The following TENM3 variants were observed in gnomAD, a reference collection of about 807,000 sequenced individuals.
TENM3 encodes the protein teneurin transmembrane protein 3, also known as teneurin-3.
In TENM3, 63 loss-of-function variants were observed where a neutral mutation model predicts 255.1. The observed-to-expected ratio is 0.25, with a 90% CI of 0.20 to 0.30. The LOEUF is 0.30. TENM3 is among the 10% of genes least tolerant of loss of function. The pLI is 1.00. For synonymous variants in TENM3, 1,306 were observed against 1,322.3 expected (o/e 0.99, Z 0.27); for missense variants, 2,929 against 3,461.1 (o/e 0.85, Z 3.86).
At chr4:182,163,336 A>G (rs1751485736) in intron 1 of TENM3, among the ~76,000 whole-genome samples, 1 of 151,962 alleles carries the variant, frequency 6.6e-6, no homozygotes, top group Non-Finnish European at 1.5e-5. Context: ...CAAACTCAGC[A>G]TGGAAGCCGA....
At chr4:181,994,950 G>A in the TENM3 span, among the ~76,000 whole-genome samples, 2 of 152,086 alleles carry the variant, frequency 1.3e-5, no homozygotes, top group African/African-American at 4.8e-5. Flanking sequence ...ACGATTCATT[G>A]GAATTGAACT....
At chr4:182,000,038 A>G in the TENM3 span, among the ~76,000 whole-genome samples, 2 of 152,162 alleles carry the variant, frequency 1.3e-5, no homozygotes, top group Non-Finnish European at 2.9e-5. Flanking sequence ...TTATCAATAG[A>G]CTTCAGAGAT....
the TENM3 span, among the ~76,000 whole-genome samples, chr4:181,922,927 A>G: frequency 6.6e-6 from 1 of 152,002 alleles, no homozygotes; most frequent in Non-Finnish European, 1.5e-5. Flanking sequence ...AGATTCTGGT[A>G]TGTTGTGTCT....
At chr4:181,960,753 C>G in the TENM3 span, among the ~76,000 whole-genome samples, 2 of 152,176 alleles carry the variant, frequency 1.3e-5, no homozygotes, top group Non-Finnish European at 2.9e-5. Context: ...CCCGTAAAAT[C>G]ATTATATATA....
At chr4:181,657,837 A>T in the TENM3 span, among the ~76,000 whole-genome samples, 1 of 152,162 alleles carries the variant, frequency 6.6e-6, no homozygotes, top group Non-Finnish European at 1.5e-5. Context: ...TTTTGCAGCA[A>T]CGTGGGTGGA....
rs1470578468 is a variant in TENM3 at position 182,228,377 on chromosome 4, T to TGTGTG, written c.-76+83624_-76+83628dup. ...AATGTAATGTGTGTGTGTGTGTGTG[T>TGTGTG]GTGTGTGTGTGTGTGTATATGTAAT... On this transcript the variant is annotated intron_variant, in intron 1 of 2. Transcript: ENST00000512480. Among the ~76,000 whole-genome samples, 456 of 137,866 alleles carry TGTGTG rather than the reference T, an allele frequency of 3.3e-3. 68 individuals are homozygous for TGTGTG. Among genetic ancestry groups the TGTGTG allele is most frequent in the African/African-American group, 0.011 (419 of 38,214 alleles). The allele number at this position is 137,866 out of a possible 152,430, so 90.4% of individuals were successfully genotyped here.
chr4:182,516,179 C>G (rs1032713862), intron 3 of TENM3, among the ~76,000 whole-genome samples: 8 of 152,306 alleles, frequency 5.3e-5, no homozygotes, highest in Non-Finnish European at 8.8e-5. Context: ...AGAAATAGCA[C>G]TGGACTGTGA....
At chr4:181,855,590 T>C in the TENM3 span, among the ~76,000 whole-genome samples, 1 of 152,206 alleles carries the variant, frequency 6.6e-6, no homozygotes, top group Admixed American at 6.5e-5. Context: ...TTGCCTAAGA[T>C]ATTGAAAAAG....
chr4:181,934,454 T>C, the TENM3 span, among the ~76,000 whole-genome samples: 1 of 152,192 alleles, frequency 6.6e-6, no homozygotes, highest in East Asian at 1.9e-4. Context: ...TGTTTATATT[T>C]GTATGTATTA....
intron 1 of TENM3, among the ~76,000 whole-genome samples, chr4:182,157,458 TGCC>T (rs901472917): frequency 1.3e-4 from 20 of 152,198 alleles, no homozygotes; most frequent in Admixed American, 5.2e-4. Flanking sequence ...GCTGACACAG[TGCC>T]TGGCCCTGAA....
At chr4:181,664,402 A>G in the TENM3 span, among the ~76,000 whole-genome samples, 1 of 151,968 alleles carries the variant, frequency 6.6e-6, no homozygotes, top group African/African-American at 2.4e-5. Flanking sequence ...CCCAGGAGGC[A>G]GAGGTTGCAG....
At chr4:181,600,327 G>GGATA in the TENM3 span, among the ~76,000 whole-genome samples, 1 of 152,140 alleles carries the variant, frequency 6.6e-6, no homozygotes, top group Non-Finnish European at 1.5e-5. Context: ...CAGAGCAAGA[G>GGATA]GATAAATGGA....
chr4:181,915,729 AGAG>A, the TENM3 span, among the ~76,000 whole-genome samples: 40 of 151,468 alleles, frequency 2.6e-4, no homozygotes, highest in Admixed American at 4.6e-4. Context: ...AGAGGAGAGG[AGAG>A]GAGAACACAG....
chr4:182,328,791 G>A (rs149623476), intron 2 of TENM3, among the ~76,000 whole-genome samples: 8 of 152,198 alleles, frequency 5.3e-5, no homozygotes, highest in African/African-American at 1.9e-4. Flanking sequence ...CATGGCTTCT[G>A]CTTCTCACCT....
rs193192580 is a variant in TENM3 at position 182,206,993 on chromosome 4, T to C, written c.-76+62239T>C. Among the ~76,000 whole-genome samples the C allele has an allele frequency of 4.0e-4, 61 of 152,350 alleles. 2 individuals are homozygous for C. The East Asian group carries it at 0.011, about 27-fold the overall frequency. On this transcript the variant is annotated intron_variant, in intron 1 of 2. Coordinates refer to the TENM3 transcript ENST00000512480. ...AGCATGAGATGCTCGGAAATTTGTT[T>C]GCTAAATCATCTGGCAAATGGTCTT... is the stretch of plus-strand genomic sequence containing the variant.
chr4:181,678,234 T>G, the TENM3 span, among the ~76,000 whole-genome samples: 1 of 152,114 alleles, frequency 6.6e-6, no homozygotes, highest in Non-Finnish European at 1.5e-5. Context: ...TGTAATAACT[T>G]TTTTGAAGAA....
the TENM3 span, among the ~76,000 whole-genome samples, chr4:181,574,484 TCG>T: frequency 6.7e-6 from 1 of 150,262 alleles, no homozygotes; most frequent in East Asian, 2.0e-4. Flanking sequence ...TGAGCCGAGA[TCG>T]TGCCACTGCA....
the TENM3 span, among the ~76,000 whole-genome samples, chr4:181,948,476 T>G: frequency 6.6e-6 from 1 of 152,124 alleles, no homozygotes; most frequent in Non-Finnish European, 1.5e-5. Flanking sequence ...AGTTCAGTGG[T>G]GCGATCTCAC....
intron 1 of TENM3, among the ~76,000 whole-genome samples, chr4:182,261,785 C>T (rs1038464938): frequency 1.3e-5 from 2 of 152,224 alleles, no homozygotes; most frequent in African/African-American, 4.8e-5. Flanking sequence ...CATTGTCTTA[C>T]ATGTGCCATT....
Sources: gnomAD v4.1 joint callset for allele counts (sites outside exome capture counted in the v4.1 genomes callset) on GRCh38, gnomAD v4.1.1 for gene constraint, MANE v1.5 for transcripts, NCBI Gene and HGNC (gene_info 2026-07-23, HGNC 2026-07-21) for gene names.